The following LRMDA variants were observed in gnomAD, a reference collection of about 807,000 sequenced individuals.
LRMDA encodes the protein leucine rich melanocyte differentiation associated.
A neutral mutation model predicts 29.8 loss-of-function variants in LRMDA; 18 were observed. That is an observed-to-expected ratio of 0.60 (90% CI 0.42 to 0.90). The LOEUF (loss-of-function observed/expected upper bound fraction) is 0.90, where lower values mean the gene tolerates loss of function less well. LRMDA is among the 40% of genes least tolerant of loss of function. The pLI is 0.00. For missense variants in LRMDA, 273 were observed against 273.9 expected (o/e 1.00, Z 0.02); for synonymous variants, 125 against 109.4 (o/e 1.14, Z -0.89).
chr10:76,253,724 T>A (rs1852529361), intron 5 of LRMDA, among the ~76,000 whole-genome samples: 1 of 152,186 alleles, frequency 6.6e-6, no homozygotes, highest in Non-Finnish European at 1.5e-5. Flanking sequence ...CCAAATTTGC[T>A]TTTTATCTGT....
At chr10:75,527,723 AATT>A (rs1231987275) in intron 2 of LRMDA, among the ~76,000 whole-genome samples, 1 of 147,406 alleles carries the variant, frequency 6.8e-6, no homozygotes, top group African/African-American at 2.5e-5. Flanking sequence ...ATATTAATAT[AATT>A]ATATAATAAT....
chr10:75,608,110 GTA>G (rs10605160), intron 2 of LRMDA, among the ~76,000 whole-genome samples: 1,468 of 101,246 alleles, frequency 0.014, 38 homozygotes, highest in Middle Eastern at 0.047. Flanking sequence ...TGTAGTGTGT[GTA>G]TATATATATA....
chr10:76,533,937 A>C (rs993277101), intron 6 of LRMDA, among the ~76,000 whole-genome samples: 1 of 152,340 alleles, frequency 6.6e-6, no homozygotes, highest in Non-Finnish European at 1.5e-5. Context: ...TGACTGCAGT[A>C]GACTGTAGAC....
chr10:76,515,626 C>G (rs927262468), intron 6 of LRMDA, among the ~76,000 whole-genome samples: 1 of 152,120 alleles, frequency 6.6e-6, no homozygotes, highest in Non-Finnish European at 1.5e-5. Context: ...CCACCTCAGC[C>G]TCCTGAGTAC....
chr10:75,740,858 A>T (rs543709911), intron 2 of LRMDA, among the ~76,000 whole-genome samples: 3 of 152,368 alleles, frequency 2.0e-5, no homozygotes. Context: ...TGAGAGGCAT[A>T]GTAAGAGTAT....
At chr10:76,550,989 G>C (rs7913671) in intron 6 of LRMDA, among the ~76,000 whole-genome samples, 5,890 of 152,288 alleles carry the variant, frequency 0.039, 208 homozygotes, top group African/African-American at 0.086. Flanking sequence ...TATTGCTCCA[G>C]CTACTTCTCA....
At chr10:76,505,099 CT>C (rs75101757) in intron 6 of LRMDA, among the ~76,000 whole-genome samples, 266 of 140,124 alleles carry the variant, frequency 1.9e-3, no homozygotes, top group East Asian at 7.1e-3. Context: ...TATGAAATTT[CT>C]TTTTTTTTTT....
chr10:75,827,164 C>T (rs1034135626), intron 2 of LRMDA, among the ~76,000 whole-genome samples: 1 of 152,190 alleles, frequency 6.6e-6, no homozygotes, highest in South Asian at 2.1e-4. Context: ...TGTTTTTGTG[C>T]GTGCTCAGGG....
chr10:76,258,279 C>T (rs1276861466), intron 5 of LRMDA, among the ~76,000 whole-genome samples: 1 of 152,116 alleles, frequency 6.6e-6, no homozygotes, highest in Non-Finnish European at 1.5e-5. Context: ...CTCAGTTCTA[C>T]TTTTTTATGT....
intron 2 of LRMDA, among the ~76,000 whole-genome samples, chr10:75,606,802 T>C (rs1840962077): frequency 6.6e-6 from 1 of 152,244 alleles, no homozygotes; most frequent in African/African-American, 2.4e-5. Flanking sequence ...TTTTTATGTC[T>C]GTATCTCTAT....
At chr10:75,584,293 A>G (rs970526788) in intron 2 of LRMDA, among the ~76,000 whole-genome samples, 6 of 152,138 alleles carry the variant, frequency 3.9e-5, no homozygotes, top group African/African-American at 1.4e-4. Flanking sequence ...AACCTCTGCT[A>G]GGAATCGTCT....
At chr10:76,337,205 C>G (rs1840980222) in intron 6 of LRMDA, among the ~76,000 whole-genome samples, 1 of 152,152 alleles carries the variant, frequency 6.6e-6, no homozygotes, top group African/African-American at 2.4e-5. Flanking sequence ...GTGTCAAGCC[C>G]TGTTCAAAAC....
At chr10:76,346,713 A>G (rs1841113342) in intron 6 of LRMDA, among the ~76,000 whole-genome samples, 1 of 152,182 alleles carries the variant, frequency 6.6e-6, no homozygotes, top group African/African-American at 2.4e-5. Flanking sequence ...ACATCTCATA[A>G]AGTTGGATAT....
chr10:76,176,114 C>T (rs1850929217), intron 5 of LRMDA, among the ~76,000 whole-genome samples: 1 of 152,160 alleles, frequency 6.6e-6, no homozygotes, highest in Admixed American at 6.5e-5. Flanking sequence ...CAGAACAGCT[C>T]ATATCCTGTG....
At chr10:75,789,452 AG>A (rs1843529052) in intron 2 of LRMDA, among the ~76,000 whole-genome samples, 1 of 152,234 alleles carries the variant, frequency 6.6e-6, no homozygotes, top group Non-Finnish European at 1.5e-5. Context: ...CAGATAGGAA[AG>A]CAATGGATGT....
At chr10:75,581,105 A>G (rs1447667394) in intron 2 of LRMDA, among the ~76,000 whole-genome samples, 1 of 152,234 alleles carries the variant, frequency 6.6e-6, no homozygotes, top group Non-Finnish European at 1.5e-5. Context: ...TGCACAGGAA[A>G]AGAAACTATT....
At position 75,698,583 on chromosome 10, in the gene LRMDA, A is replaced by G. The variant is rs138790302; in HGVS notation, c.131+260089A>G. On this transcript the variant is annotated intron_variant, in intron 2 of 6. Transcript: ENST00000611255. Reference sequence around the variant, plus strand: ...GGGTGGTTCCAGAGGCCACCTGGGAACTCTGAACAGTGGTCCATAGTGACA... The same window carrying G: ...GGGTGGTTCCAGAGGCCACCTGGGAGCTCTGAACAGTGGTCCATAGTGACA... Among the ~76,000 whole-genome samples, 1,243 of 151,794 alleles carry G rather than the reference A, an allele frequency of 8.2e-3. 15 individuals are homozygous for G. The highest frequency in any genetic ancestry group is 0.028 in the African/African-American group (1,153 of 41,366).
chr10:75,595,571 AAT>A (rs1197558062), intron 2 of LRMDA, among the ~76,000 whole-genome samples: 3 of 148,962 alleles, frequency 2.0e-5, no homozygotes, highest in East Asian at 1.9e-4. Flanking sequence ...ATATAATTAT[AAT>A]ATATATAATT....
intron 6 of LRMDA, among the ~76,000 whole-genome samples, chr10:76,430,619 G>A (rs1487758568): frequency 6.6e-6 from 1 of 152,154 alleles, no homozygotes; most frequent in African/African-American, 2.4e-5. Context: ...TTTCCTCCTA[G>A]GGAACCACAG....
Sources: gnomAD v4.1 joint callset for allele counts (sites outside exome capture counted in the v4.1 genomes callset) on GRCh38, gnomAD v4.1.1 for gene constraint, MANE v1.5 for transcripts, NCBI Gene and HGNC (gene_info 2026-07-23, HGNC 2026-07-21) for gene names.